The following CTNNAL1 variants were observed in gnomAD, a reference collection of about 807,000 sequenced individuals.
CTNNAL1 encodes the protein catenin alpha like 1, also known as alpha-catulin.
CTNNAL1 carries 69 observed loss-of-function variants against 93.6 expected under a neutral mutation model. That is an observed-to-expected ratio of 0.74 (90% confidence interval 0.61 to 0.90). The LOEUF (loss-of-function observed/expected upper bound fraction) is 0.90, where lower values mean the gene tolerates loss of function less well. Ranked by LOEUF, CTNNAL1 falls within the 40% of genes least tolerant of loss-of-function variation. The pLI, the probability that CTNNAL1 is intolerant of heterozygous loss-of-function variation, is 0.00. For missense variants in CTNNAL1, 836 were observed against 862.0 expected (o/e 0.97, Z 0.38); for synonymous variants, 286 against 305.4 (o/e 0.94, Z 0.66).
chr9:108,959,616 A>G (rs1201888341), intron 11 of CTNNAL1, among the ~76,000 whole-genome samples: 1 of 152,140 alleles, frequency 6.6e-6, no homozygotes, highest in Non-Finnish European at 1.5e-5. Flanking sequence ...TGGCTAAATT[A>G]TGTTTAGCTG....
chr9:108,997,417 A>G (rs146390215), intron 2 of CTNNAL1, among the ~76,000 whole-genome samples: 4 of 152,340 alleles, frequency 2.6e-5, no homozygotes, highest in African/African-American at 9.6e-5. Flanking sequence ...AAAGACTTCT[A>G]TCTAACATAA....
Position 108,990,756 on chromosome 9 carries a change from C to T in CTNNAL1, c.609G>A (p.Glu203=). 1 of 1,613,644 alleles carries T rather than the reference C, an allele frequency of 6.2e-7. No individual in the cohort carries two copies. Among genetic ancestry groups the T allele is most frequent in the Non-Finnish European group, 8.5e-7 (1 of 1,179,860 alleles). ...IFSQFGNEMV[E]FAHLSGDRQN... Reference sequence around the variant, plus strand: ...GTCTATCTCCACTCAGATGTGCAAACTCCACCATTTCATTTCCAAATTGAC... The same window carrying T: ...GTCTATCTCCACTCAGATGTGCAAATTCCACCATTTCATTTCCAAATTGAC... The change falls in exon 4 of 19, where the codon GAG becomes GAA. Residue 203 remains glutamate, a synonymous_variant. Transcript: ENST00000325551.
At chr9:108,949,290 A>G (rs536543550) in intron 14 of CTNNAL1, among the ~76,000 whole-genome samples, 2 of 152,286 alleles carry the variant, frequency 1.3e-5, no homozygotes, top group East Asian at 3.9e-4. Context: ...TCGTAGTGCA[A>G]CCCCTCATGT....
intron 10 of CTNNAL1, among the ~76,000 whole-genome samples, chr9:108,967,755 G>A (rs1831000422): frequency 6.6e-6 from 1 of 152,164 alleles, no homozygotes; most frequent in Non-Finnish European, 1.5e-5. Context: ...AAGTAAGCCA[G>A]AGGAACAGAC....
At chr9:108,972,864 G>GGGGGCCCCCCCCCCCCCCCCC in intron 8 of CTNNAL1, 31 bp from the exon 9 acceptor site, 1 of 142,574 alleles carries the variant, frequency 7.0e-6, no homozygotes, top group Non-Finnish European at 1.0e-5. Context: ...GGGGGGGTGG[G>GGGGGCCCCCCCCCCCCCCCCC]AGGGTGGAGA....
At chr9:108,999,017 C>G in intron 2 of CTNNAL1, 50 bp downstream of exon 2, 1 of 1,515,866 alleles carries the variant, frequency 6.6e-7, no homozygotes, top group Non-Finnish European at 8.8e-7. Flanking sequence ...TCATCATAAC[C>G]AAAGCAATAA....
chr9:109,001,304 G>C (rs558292306), intron 1 of CTNNAL1, among the ~76,000 whole-genome samples: 1 of 152,070 alleles, frequency 6.6e-6, no homozygotes, highest in Admixed American at 6.5e-5. Context: ...TTTTAAACAG[G>C]AAAGTGATAT....
chr9:109,002,603 G>C (rs1458544879), intron 1 of CTNNAL1, among the ~76,000 whole-genome samples: 2 of 152,220 alleles, frequency 1.3e-5, no homozygotes, highest in East Asian at 1.9e-4. Context: ...GTTTCTTTTT[G>C]CTGCTTACAG....
At chr9:108,946,084 A>G (rs1830395568) in intron 15 of CTNNAL1, among the ~76,000 whole-genome samples, 1 of 152,078 alleles carries the variant, frequency 6.6e-6, no homozygotes, top group African/African-American at 2.4e-5. Context: ...GCGAATCACA[A>G]GGTCAAGAGA....
intron 1 of CTNNAL1, among the ~76,000 whole-genome samples, chr9:109,008,662 C>G (rs994778016): frequency 1.3e-5 from 2 of 152,168 alleles, no homozygotes; most frequent in Non-Finnish European, 2.9e-5. Context: ...TCATTGAGTT[C>G]TAATGAAGTT....
At chr9:108,959,582 TATA>T (rs140726193) in intron 11 of CTNNAL1, among the ~76,000 whole-genome samples, 7,450 of 151,836 alleles carry the variant, frequency 0.049, 292 homozygotes, top group South Asian at 0.11. Context: ...GTCTCCAAAA[TATA>T]ATAATAATAA....
intron 14 of CTNNAL1, chr9:108,950,565 G>A (rs1364295468): frequency 1.3e-6 from 2 of 1,550,260 alleles, no homozygotes; most frequent in East Asian, 4.9e-5. Flanking sequence ...ATGCCTCTAA[G>A]CTTGGGACTG....
At chr9:108,988,795 T>A (rs1224649098) in intron 4 of CTNNAL1, among the ~76,000 whole-genome samples, 3 of 152,226 alleles carry the variant, frequency 2.0e-5, no homozygotes, top group Non-Finnish European at 4.4e-5. Context: ...TCACTTTTAT[T>A]TACTGTTGAA....
chr9:108,980,137 A>G (rs1017736485), intron 6 of CTNNAL1, among the ~76,000 whole-genome samples: 1 of 152,194 alleles, frequency 6.6e-6, no homozygotes, highest in African/African-American at 2.4e-5. Context: ...CCAAACGTCT[A>G]TGTAGTATAG....
At chr9:108,995,444 A>G (rs1398216761) in intron 2 of CTNNAL1, among the ~76,000 whole-genome samples, 1 of 152,220 alleles carries the variant, frequency 6.6e-6, no homozygotes, top group Non-Finnish European at 1.5e-5. Context: ...GGACAGTAAC[A>G]TTTGGTTGGC....
intron 14 of CTNNAL1, among the ~76,000 whole-genome samples, chr9:108,951,053 A>C (rs903953319): frequency 1.3e-5 from 2 of 151,796 alleles, no homozygotes; most frequent in South Asian, 4.2e-4. Context: ...CCTGTCACCC[A>C]GGCTGGAGTG....
At chr9:108,975,605 A>C (rs1253624065) in intron 8 of CTNNAL1, among the ~76,000 whole-genome samples, 1 of 152,198 alleles carries the variant, frequency 6.6e-6, no homozygotes, top group Non-Finnish European at 1.5e-5. Context: ...CTGGGAAAAC[A>C]GGGAACAGGG....
At chr9:108,980,791 T>C (rs949431534) in intron 6 of CTNNAL1, among the ~76,000 whole-genome samples, 1 of 152,262 alleles carries the variant, frequency 6.6e-6, no homozygotes, top group Non-Finnish European at 1.5e-5. Context: ...TATATTGGTC[T>C]CATACCATTT....
At position 109,008,724 on chromosome 9, in the gene CTNNAL1, T is replaced by C. The variant is rs145645820; in HGVS notation, c.141+4578A>G. 7.4e-4 allele frequency among the ~76,000 whole-genome samples: 113 copies of C among 152,276 alleles called. 1 individual carries two copies. Among genetic ancestry groups the C allele is most frequent in the African/African-American group, 2.7e-3 (111 of 41,548 alleles). On this transcript the variant is annotated intron_variant, in intron 1 of 18. Coordinates refer to ENST00000325551, the MANE Select transcript of CTNNAL1 (RefSeq NM_003798.4). ...TGTTTCCTCTTCTGTGAAATTATTT[T>C]TTGACCAATTTTTAATGGCTAATCT...
Sources: gnomAD v4.1 joint callset for allele counts (sites outside exome capture counted in the v4.1 genomes callset) on GRCh38, gnomAD v4.1.1 for gene constraint, MANE v1.5 for transcripts, NCBI Gene and HGNC (gene_info 2026-07-23, HGNC 2026-07-21) for gene names.